Variants in PIGK observed in about 807,000 individuals in gnomAD.
PIGK encodes the protein phosphatidylinositol glycan anchor biosynthesis class K, also known as GPI-anchor transamidase.
A neutral mutation model predicts 50.6 loss-of-function variants in PIGK; 42 were observed. The ratio of observed to expected loss-of-function variants is 0.83; its 90% CI spans 0.65 to 1.07. The LOEUF (loss-of-function observed/expected upper bound fraction) is 1.07, where lower values mean the gene tolerates loss of function less well. PIGK is among the 50% of genes least tolerant of loss of function. The pLI is 0.00. For missense variants in PIGK, 448 were observed against 488.7 expected, an observed-to-expected ratio of 0.92 and a Z score of 0.78; for synonymous variants, 151 against 156.0, an observed-to-expected ratio of 0.97 and a Z score of 0.24.
chr1:77,127,774 T>A (rs1473626213), intron 9 of PIGK, among the ~76,000 whole-genome samples: 1 of 152,182 alleles, frequency 6.6e-6, no homozygotes, highest in Non-Finnish European at 1.5e-5. Context: ...CAATAGTTAG[T>A]ATAACCTGTT....
chr1:77,169,245 G>C lies in PIGK; in HGVS notation c.375+15C>G, dbSNP rs371280890. On this transcript the variant is annotated intron_variant, in intron 4 of 10. Coordinates refer to ENST00000370812, the MANE Select transcript of PIGK (RefSeq NM_005482.3). The stretch of plus-strand genomic sequence containing the variant: ...CAATGCCATTTTAAAAATGTGGCTA[G>C]ATTAAAGAATTTACCTCGTAACTTC... 1 of 1,495,292 alleles carries C rather than the reference G, an allele frequency of 6.7e-7. No individual in the cohort carries two copies. The highest frequency in any genetic ancestry group is 1.3e-5 in the South Asian group (1 of 76,570). The allele number at this position is 1,495,292 out of a possible 1,614,324, so 92.6% of individuals were successfully genotyped here. A position where few individuals can be genotyped will look rare whatever the true frequency, so the allele number is the denominator to read the frequency against.
At position 77,119,053 on chromosome 1, in the gene PIGK, TATA is replaced by T. The variant is rs531112580; in HGVS notation, c.1071+3219_1071+3221del. 4.4e-3 allele frequency among the ~76,000 whole-genome samples: 669 copies of T among 152,342 alleles called. 5 individuals are homozygous for T. Among genetic ancestry groups the T allele is most frequent in the African/African-American group, 0.016 (647 of 41,588 alleles). Reference sequence around the variant, plus strand: ...ATCCTCTTGTCTATTCCTTTGTCCATATAATATTTATCTGATTACAGCTGCGTT... The same window carrying T: ...ATCCTCTTGTCTATTCCTTTGTCCATATATTTATCTGATTACAGCTGCGTT... On this transcript the variant is annotated intron_variant, in intron 10 of 10. Coordinates refer to ENST00000370812, the MANE Select transcript of PIGK (RefSeq NM_005482.3).
At chr1:77,212,882 C>T (rs1056609425) in intron 1 of PIGK, among the ~76,000 whole-genome samples, 7 of 152,232 alleles carry the variant, frequency 4.6e-5, no homozygotes, top group African/African-American at 1.4e-4. Context: ...ACTCCACTCT[C>T]CATTGGACGG....
rs79661554 is a variant in PIGK, at chr1:77,215,236, C to A, written c.93+4074G>T. Among the ~76,000 whole-genome samples, 861 of 151,928 alleles carry A rather than the reference C, an allele frequency of 5.7e-3. 10 individuals are homozygous for A. The highest frequency in any genetic ancestry group is 0.015 in the African/African-American group (637 of 41,474). Reference sequence around the variant, plus strand: ...AAACTTATGCTAACAGCAAAAAAAACCAAATAATCTAATTAAAAACGAGCA... The same window carrying A: ...AAACTTATGCTAACAGCAAAAAAAAACAAATAATCTAATTAAAAACGAGCA... On this transcript the variant is annotated intron_variant, in intron 1 of 10. Transcript: ENST00000370812.
In PIGK at chr1:77,089,401, A is replaced by AAAAC. The variant is rs1414551364; in HGVS notation, c.*2969_*2972dup. 1 of 152,236 alleles carries AAAAC rather than the reference A, an allele frequency of 6.6e-6. No homozygotes were observed. Among genetic ancestry groups the AAAAC allele is most frequent in the African/African-American group, 2.4e-5 (1 of 41,446 alleles). 9.4% of individuals were successfully genotyped at this position (152,236 alleles called of 1,614,324 possible). A position where few individuals can be genotyped will look rare whatever the true frequency, so the allele number is the denominator to read the frequency against. On this transcript the variant is annotated 3_prime_UTR_variant, in exon 11 of 11. Transcript: ENST00000370812. ...TTATAACGTATTTCTTTCACATGTTAAAACAGTATCTACTAAAGATGGGCT... is the reference window on the plus strand; with the variant it reads ...TTATAACGTATTTCTTTCACATGTTAAAACAAACAGTATCTACTAAAGATGGGCT...
chr1:77,110,160 A>C (rs1653802865), intron 10 of PIGK, among the ~76,000 whole-genome samples: 1 of 152,232 alleles, frequency 6.6e-6, no homozygotes, highest in African/African-American at 2.4e-5. Flanking sequence ...AGGAAGAATC[A>C]ATATCGAGAA....
At chr1:77,189,715 A>G (rs1257154893) in intron 3 of PIGK, among the ~76,000 whole-genome samples, 1 of 17,828 alleles carries the variant, frequency 5.6e-5, no homozygotes, top group African/African-American at 2.4e-4. Flanking sequence ...ATATATATAT[A>G]TATATATATA....
At chr1:77,112,792 C>T (rs929610860) in intron 10 of PIGK, among the ~76,000 whole-genome samples, 76 of 152,032 alleles carry the variant, frequency 5.0e-4, no homozygotes, top group African/African-American at 1.8e-3. Flanking sequence ...CTTTTCCATT[C>T]CCTGGAGCTG....
At chr1:77,211,201 C>T (rs533121621) in intron 1 of PIGK, among the ~76,000 whole-genome samples, 2 of 151,886 alleles carry the variant, frequency 1.3e-5, no homozygotes, top group African/African-American at 4.8e-5. Context: ...GGGCTTTCAT[C>T]AGTTATATTC....
intron 9 of PIGK, among the ~76,000 whole-genome samples, chr1:77,144,345 ATAC>A (rs141195434): frequency 0.013 from 1,987 of 152,046 alleles, 48 homozygotes; most frequent in African/African-American, 0.045. Context: ...TTTCCATATG[ATAC>A]AGAACTTTAT....
chr1:77,149,050 T>A (rs1210534286), intron 9 of PIGK, among the ~76,000 whole-genome samples: 1 of 152,134 alleles, frequency 6.6e-6, no homozygotes, highest in East Asian at 1.9e-4. Flanking sequence ...AACTATACGA[T>A]TTTTAATGAA....
At chr1:77,113,970 C>T (rs1653909757) in intron 10 of PIGK, among the ~76,000 whole-genome samples, 1 of 152,096 alleles carries the variant, frequency 6.6e-6, no homozygotes, top group Non-Finnish European at 1.5e-5. Flanking sequence ...TTGCAAACAG[C>T]ATTGAGAAGG....
intron 8 of PIGK, among the ~76,000 whole-genome samples, chr1:77,158,120 G>A (rs1336305443): frequency 1.3e-5 from 2 of 152,156 alleles, no homozygotes; most frequent in Non-Finnish European, 2.9e-5. Context: ...AGGTTCAAGT[G>A]ATGCTTCTGC....
At chr1:77,161,224 G>A in intron 8 of PIGK, 71 bp downstream of exon 8, 1 of 784,158 alleles carries the variant, frequency 1.3e-6, no homozygotes, top group Admixed American at 1.8e-5. Context: ...GGAGTGCAGG[G>A]AATAATACAC....
At chr1:77,139,714 C>T (rs1015978517) in intron 9 of PIGK, among the ~76,000 whole-genome samples, 5 of 152,166 alleles carry the variant, frequency 3.3e-5, no homozygotes, top group African/African-American at 1.2e-4. Context: ...TTTGTCTCTA[C>T]ACACTTACTT....
intron 9 of PIGK, among the ~76,000 whole-genome samples, chr1:77,128,293 G>A (rs1373059334): frequency 6.6e-6 from 1 of 152,066 alleles, no homozygotes; most frequent in Non-Finnish European, 1.5e-5. Flanking sequence ...CATAATATGA[G>A]GCAGAGAACA....
rs139337164 is a variant in PIGK at position 77,143,084 on chromosome 1, C to A, written c.986+11365G>T. 7.9e-5 allele frequency among the ~76,000 whole-genome samples: 12 copies of A among 152,150 alleles called. No homozygotes were observed. The East Asian group carries it at 2.3e-3, about 29-fold the overall frequency. On this transcript the variant is annotated intron_variant, in intron 9 of 10. Coordinates refer to ENST00000370812, the MANE Select transcript of PIGK (RefSeq NM_005482.3). ...TATATATTAATGTAAATGTCTTTTCCTTCTTGTTTTACCTAACAGCTACAA... is the reference window on the plus strand; with the variant it reads ...TATATATTAATGTAAATGTCTTTTCATTCTTGTTTTACCTAACAGCTACAA...
In PIGK at chr1:77,149,810, C is replaced by T. The variant is rs141876913; in HGVS notation, c.986+4639G>A. Among the ~76,000 whole-genome samples the T allele has an allele frequency of 3.7e-3, 569 of 152,100 alleles. 5 individuals are homozygous for T. The highest frequency in any genetic ancestry group is 0.013 in the African/African-American group (539 of 41,490). ...AGATTATACATTTTCCTCATCAGCACATAAAACATTATCCAGGATAGACCA... is the reference window on the plus strand; with the variant it reads ...AGATTATACATTTTCCTCATCAGCATATAAAACATTATCCAGGATAGACCA... On this transcript the variant is annotated intron_variant, in intron 9 of 10. Coordinates refer to ENST00000370812, the MANE Select transcript of PIGK (RefSeq NM_005482.3).
chr1:77,187,152 A>G (rs751036410), intron 3 of PIGK, among the ~76,000 whole-genome samples: 9 of 152,188 alleles, frequency 5.9e-5, no homozygotes, highest in Non-Finnish European at 1.2e-4. Context: ...CATGTTCCCC[A>G]TCATCCTCAA....
Sources: allele counts gnomAD v4.1 joint callset (sites outside exome capture counted in the v4.1 genomes callset), GRCh38; gene constraint gnomAD v4.1.1; transcripts MANE v1.5; gene names NCBI Gene and HGNC (gene_info 2026-07-23, HGNC 2026-07-21).